Variants in TENM3 observed in about 807,000 individuals in gnomAD.
TENM3 encodes the protein teneurin transmembrane protein 3, also known as teneurin-3.
Under a neutral mutation model 255.1 loss-of-function variants are expected in TENM3, and 63 were observed. That is an observed-to-expected ratio of 0.25 (90% CI 0.20 to 0.30). The LOEUF (loss-of-function observed/expected upper bound fraction) is 0.30. TENM3 is among the 10% of genes least tolerant of loss of function. TENM3 has a pLI of 1.00. For missense variants in TENM3, 2,929 were observed against 3,461.1 expected (o/e 0.85, Z 3.86); for synonymous variants, 1,306 against 1,322.3 (o/e 0.99, Z 0.27).
the TENM3 span, among the ~76,000 whole-genome samples, chr4:181,527,607 C>T: frequency 6.6e-6 from 1 of 150,418 alleles, no homozygotes; most frequent in Non-Finnish European, 1.5e-5. Flanking sequence ...CTCAAGCCAC[C>T]ATGCCCAGCC....
chr4:182,445,217 C>T (rs1332719805), intron 3 of TENM3, among the ~76,000 whole-genome samples: 1 of 152,164 alleles, frequency 6.6e-6, no homozygotes, highest in African/African-American at 2.4e-5. Context: ...GGCCCAAGCA[C>T]TCTGTAACTA....
chr4:181,629,275 T>A, the TENM3 span, among the ~76,000 whole-genome samples: 13 of 152,344 alleles, frequency 8.5e-5, no homozygotes, highest in African/African-American at 3.1e-4. Context: ...AGTCATGTCA[T>A]CTGCAAACAG....
chr4:182,205,122 A>G (rs1009299492), intron 1 of TENM3, among the ~76,000 whole-genome samples: 15 of 152,176 alleles, frequency 9.9e-5, no homozygotes, highest in African/African-American at 3.6e-4. Flanking sequence ...GGATAATTTA[A>G]TTCCTCCTTC....
the TENM3 span, among the ~76,000 whole-genome samples, chr4:182,071,488 C>A: frequency 6.7e-6 from 1 of 150,304 alleles, no homozygotes; most frequent in East Asian, 2.0e-4. Flanking sequence ...CTCATTCGCC[C>A]ATGCTGGAGT....
intron 3 of TENM3, among the ~76,000 whole-genome samples, chr4:182,452,689 T>C (rs1773564072): frequency 6.6e-6 from 1 of 152,254 alleles, no homozygotes; most frequent in South Asian, 2.1e-4. Context: ...GTGATTCATA[T>C]CCAGAAACAT....
At chr4:182,447,129 A>T (rs1772986058) in intron 3 of TENM3, among the ~76,000 whole-genome samples, 1 of 152,218 alleles carries the variant, frequency 6.6e-6, no homozygotes, top group African/African-American at 2.4e-5. Flanking sequence ...CCTTGTGTTT[A>T]AATAATTTCT....
At chr4:181,656,529 C>T in the TENM3 span, among the ~76,000 whole-genome samples, 2 of 152,088 alleles carry the variant, frequency 1.3e-5, no homozygotes, top group African/African-American at 4.8e-5. Context: ...GGAGAAGCCG[C>T]GGATGCAGAT....
the TENM3 span, among the ~76,000 whole-genome samples, chr4:181,943,656 G>A: frequency 1.3e-5 from 2 of 152,056 alleles, no homozygotes; most frequent in Admixed American, 6.5e-5. Context: ...CTCTTTGCCC[G>A]CCAGAATCTG....
the TENM3 span, among the ~76,000 whole-genome samples, chr4:181,863,314 C>T: frequency 6.6e-6 from 1 of 152,114 alleles, no homozygotes; most frequent in Non-Finnish European, 1.5e-5. Flanking sequence ...CACAATGACT[C>T]TGCTACTCTC....
At chr4:182,056,566 A>G in the TENM3 span, among the ~76,000 whole-genome samples, 3 of 152,194 alleles carry the variant, frequency 2.0e-5, no homozygotes, top group Non-Finnish European at 4.4e-5. Flanking sequence ...CTTTAAAAAG[A>G]CTGCAGCAAC....
intron 1 of TENM3, among the ~76,000 whole-genome samples, chr4:182,236,828 A>T (rs1343751732): frequency 6.6e-6 from 1 of 152,176 alleles, no homozygotes; most frequent in Non-Finnish European, 1.5e-5. Context: ...GCAATATTAA[A>T]CCCAGAGATG....
chr4:182,284,122 T>TA (rs1310120251), intron 1 of TENM3, among the ~76,000 whole-genome samples: 2 of 152,148 alleles, frequency 1.3e-5, no homozygotes, highest in Non-Finnish European at 2.9e-5. Flanking sequence ...TTAATTAAAG[T>TA]AAAAAAATAA....
the TENM3 span, among the ~76,000 whole-genome samples, chr4:181,476,557 AAG>A: frequency 1.3e-5 from 2 of 152,162 alleles, no homozygotes; most frequent in African/African-American, 2.4e-5. Flanking sequence ...TGCAGGGTGA[AAG>A]GGGTGAAAAC....
At chr4:181,604,272 G>A in the TENM3 span, among the ~76,000 whole-genome samples, 49 of 151,860 alleles carry the variant, frequency 3.2e-4, no homozygotes, top group Non-Finnish European at 1.5e-4. Flanking sequence ...CTAAAAAAAA[G>A]AAAAGAAAAG....
At chr4:182,098,183 A>G in the TENM3 span, among the ~76,000 whole-genome samples, 2 of 152,240 alleles carry the variant, frequency 1.3e-5, no homozygotes, top group Non-Finnish European at 2.9e-5. Context: ...ACGAATAATA[A>G]CAGATGCTGG....
chr4:182,653,286 T>C (rs950538086), intron 5 of TENM3, among the ~76,000 whole-genome samples: 18 of 152,328 alleles, frequency 1.2e-4, no homozygotes, highest in African/African-American at 4.1e-4. Context: ...TACAGCTGAA[T>C]TTCATGTACC....
At chr4:182,790,849 G>T (rs567222415) in intron 25 of TENM3, among the ~76,000 whole-genome samples, 1 of 152,280 alleles carries the variant, frequency 6.6e-6, no homozygotes, top group East Asian at 1.9e-4. Flanking sequence ...TTTAGAGGGA[G>T]CCCAGGAGCA....
chr4:182,086,825 G>T, the TENM3 span, among the ~76,000 whole-genome samples: 1 of 152,158 alleles, frequency 6.6e-6, no homozygotes, highest in Non-Finnish European at 1.5e-5. Flanking sequence ...GAACGTAAAA[G>T]ACATCTTTTG....
the TENM3 span, among the ~76,000 whole-genome samples, chr4:182,100,482 C>A: frequency 8.2e-6 from 1 of 121,336 alleles, no homozygotes; most frequent in Admixed American, 8.5e-5. Context: ...CACACACACA[C>A]ATATATATAT....
Sources: allele counts gnomAD v4.1 joint callset (sites outside exome capture counted in the v4.1 genomes callset), GRCh38; gene constraint gnomAD v4.1.1; transcripts MANE v1.5; gene names NCBI Gene and HGNC (gene_info 2026-07-23, HGNC 2026-07-21).